SERPINE2: variants seen among roughly 807,000 people sequenced by gnomAD.
SERPINE2 encodes the protein glia-derived nexin.
Under a neutral mutation model 36.3 loss-of-function variants are expected in SERPINE2, and 14 were observed. The ratio of observed to expected loss-of-function variants is 0.39; its 90% CI spans 0.25 to 0.60. The LOEUF (loss-of-function observed/expected upper bound fraction) is 0.60, where lower values mean the gene tolerates loss of function less well. SERPINE2 is among the 20% of genes least tolerant of loss of function. SERPINE2 has a pLI of 0.57. For missense variants in SERPINE2, 418 were observed against 499.6 expected (o/e 0.84, Z 1.56); for synonymous variants, 192 against 191.8 (o/e 1.00, Z -0.01).
At chr2:223,994,779 C>T (rs1690811929) in intron 3 of SERPINE2, among the ~76,000 whole-genome samples, 1 of 152,198 alleles carries the variant, frequency 6.6e-6, no homozygotes, top group Non-Finnish European at 1.5e-5. Flanking sequence ...TTACTAAGTG[C>T]AGAGTCCTTT....
At chr2:223,986,939 G>A (rs559725099) in intron 4 of SERPINE2, among the ~76,000 whole-genome samples, 1 of 152,024 alleles carries the variant, frequency 6.6e-6, no homozygotes, top group East Asian at 1.9e-4. Context: ...CCTTTATTTG[G>A]TGCCTTGAGG....
intron 4 of SERPINE2, among the ~76,000 whole-genome samples, chr2:223,989,707 C>A (rs1690576856): frequency 6.6e-6 from 1 of 152,120 alleles, no homozygotes; most frequent in Non-Finnish European, 1.5e-5. Flanking sequence ...TGATGACAGG[C>A]ATGGAAAGGA....
chr2:224,021,525 G>A (rs1389046024), intron 1 of SERPINE2, among the ~76,000 whole-genome samples: 5 of 152,206 alleles, frequency 3.3e-5, no homozygotes, highest in Admixed American at 3.3e-4. Context: ...GACACATTGA[G>A]TTTCAGTCAA....
At chr2:224,038,839 C>A in intron 1 of SERPINE2, 1 of 296,828 alleles carries the variant, frequency 3.4e-6, no homozygotes, top group Non-Finnish European at 6.2e-6. Context: ...CCTTGCCCTG[C>A]CCGGGTCCCG....
intron 5 of SERPINE2, 78 bp downstream of exon 5, chr2:223,984,674 C>T: frequency 1.4e-6 from 2 of 1,396,746 alleles, no homozygotes; most frequent in South Asian, 1.3e-5. Flanking sequence ...ATTTTCGCCT[C>T]ATGTTGTCTG....
intron 3 of SERPINE2, among the ~76,000 whole-genome samples, chr2:223,995,517 A>G (rs1051786253): frequency 2.6e-5 from 4 of 152,172 alleles, no homozygotes; most frequent in Non-Finnish European, 4.4e-5. Context: ...TCAATACCCC[A>G]CCGGATCTCT....
rs754465410 is a variant in SERPINE2, at chr2:224,031,407, CAGAA to C, written c.-23+7688_-23+7691del. ...CATAGAGATTCCGTTGGGGGGAAAA[CAGAA>C]AGAAAGGCAGCTGGGGAACGCCAGG... On this transcript the variant is annotated intron_variant, in intron 1 of 8. Transcript: ENST00000409304. 135 of 985,482 alleles carry C rather than the reference CAGAA, an allele frequency of 1.4e-4. No individual in the cohort carries two copies. In the South Asian group the frequency reaches 2.2e-3, roughly 16 times the overall value. The allele number at this position is 985,482 out of a possible 1,614,324, so 61.0% of individuals were successfully genotyped here. A position where few individuals can be genotyped will look rare whatever the true frequency, so the allele number is the denominator to read the frequency against.
chr2:224,030,159 A>T, intron 1 of SERPINE2: 1 of 985,428 alleles, frequency 1.0e-6, no homozygotes, highest in Non-Finnish European at 1.2e-6. Flanking sequence ...AGGTTATTTC[A>T]TGCAACAGCC....
rs527636446 is a variant in SERPINE2 at position 224,021,889 on chromosome 2, G to A, written c.-23+17210C>T. Among the ~76,000 whole-genome samples, 12 of 152,294 alleles carry A rather than the reference G, an allele frequency of 7.9e-5. No homozygotes were observed. The South Asian group carries it at 1.7e-3, about 21-fold the overall frequency. On this transcript the variant is annotated intron_variant, in intron 1 of 8. Coordinates refer to ENST00000409304, the MANE Select transcript of SERPINE2 (RefSeq NM_001136528.2). ...AAATACAAAAATTAGGCTGGGCGTG[G>A]TGGCTCACGCCTGTAATCCCAGCAC...
intron 1 of SERPINE2, among the ~76,000 whole-genome samples, chr2:224,014,113 G>A (rs920833180): frequency 2.6e-5 from 4 of 152,324 alleles, no homozygotes; most frequent in South Asian, 4.1e-4. Context: ...GGTGGCTCAT[G>A]CCTGTAATCC....
chr2:224,024,617 T>C (rs777770463), intron 1 of SERPINE2, among the ~76,000 whole-genome samples: 6 of 152,190 alleles, frequency 3.9e-5, no homozygotes, highest in African/African-American at 7.2e-5. Flanking sequence ...AGTTTCCTCA[T>C]CTATAAGATC....
chr2:224,015,720 G>A (rs1252458059), intron 1 of SERPINE2, among the ~76,000 whole-genome samples: 3 of 152,078 alleles, frequency 2.0e-5, no homozygotes, highest in Admixed American at 2.0e-4. Context: ...CAACAGGCAG[G>A]AATCAAAACC....
intron 1 of SERPINE2, among the ~76,000 whole-genome samples, chr2:224,034,573 G>T (rs890344289): frequency 6.6e-6 from 1 of 152,124 alleles, no homozygotes; most frequent in South Asian, 2.1e-4. Flanking sequence ...AAAGTTCCCT[G>T]GCTGCATGCT....
chr2:224,000,746 C>T (rs777952485), intron 2 of SERPINE2, among the ~76,000 whole-genome samples: 6 of 151,968 alleles, frequency 3.9e-5, no homozygotes, highest in African/African-American at 7.3e-5. Context: ...TCCATGTGTT[C>T]TCATTGTTCA....
intron 1 of SERPINE2, chr2:224,038,535 G>A (rs1395836545): frequency 6.4e-7 from 1 of 1,550,796 alleles, no homozygotes; most frequent in South Asian, 1.2e-5. Flanking sequence ...TACAGATGAT[G>A]AAAATAGCAA....
intron 3 of SERPINE2, among the ~76,000 whole-genome samples, chr2:223,996,884 A>G (rs2106157480): frequency 1.3e-5 from 2 of 152,264 alleles, no homozygotes; most frequent in African/African-American, 4.8e-5. Flanking sequence ...CGAGACCAGC[A>G]TGGGCAACAC....
chr2:224,014,373 C>CA (rs1277590247), intron 1 of SERPINE2, among the ~76,000 whole-genome samples: 117 of 149,412 alleles, frequency 7.8e-4, no homozygotes, highest in African/African-American at 1.3e-3. Flanking sequence ...GACACTGTCT[C>CA]AAAAAAAAAG....
chr2:224,038,661 C>T (rs1692608938), intron 1 of SERPINE2: 2 of 706,978 alleles, frequency 2.8e-6, no homozygotes, highest in Non-Finnish European at 5.0e-6. Context: ...GCGCCAGTCT[C>T]TCCCCATCCG....
At chr2:223,997,983 C>A (rs36034130) in intron 3 of SERPINE2, 132 bp downstream of exon 3, 73,593 of 691,978 alleles carry the variant, frequency 0.11, 4,593 homozygotes, top group African/African-American at 0.18. Context: ...CTGAATAGAG[C>A]TTCCTTGGTC....
Sources: allele counts gnomAD v4.1 joint callset (sites outside exome capture counted in the v4.1 genomes callset), GRCh38; gene constraint gnomAD v4.1.1; transcripts MANE v1.5; gene names NCBI Gene and HGNC (gene_info 2026-07-23, HGNC 2026-07-21).